The following HS6ST3 variants were observed in gnomAD, a reference collection of about 807,000 sequenced individuals.
HS6ST3 encodes heparan-sulfate 6-O-sulfotransferase 3.
In HS6ST3, 12 loss-of-function variants were observed where a neutral mutation model predicts 36.7. That is an observed-to-expected ratio of 0.33 (90% CI 0.21 to 0.53). HS6ST3 has a LOEUF of 0.53. HS6ST3 is among the 20% of genes least tolerant of loss of function. The probability of loss-of-function intolerance (pLI) is 0.95; values close to 1 mark genes in which losing one functional copy is unlikely to be tolerated. For missense variants in HS6ST3, 584 were observed against 640.9 expected (o/e 0.91, Z 0.96); for synonymous variants, 240 against 257.5 (o/e 0.93, Z 0.65).
chr13:96,660,999 G>A (rs546847667), intron 1 of HS6ST3, among the ~76,000 whole-genome samples: 2 of 152,218 alleles, frequency 1.3e-5, no homozygotes, highest in Admixed American at 6.5e-5. Flanking sequence ...TCCTGCCCTC[G>A]AACTCCAAGT....
At chr13:96,595,070 A>G (rs1400766584) in intron 1 of HS6ST3, among the ~76,000 whole-genome samples, 5 of 152,062 alleles carry the variant, frequency 3.3e-5, no homozygotes, top group Non-Finnish European at 7.4e-5. Context: ...TTTTGAGACA[A>G]GGCCTCACTC....
rs757890690 is a variant in HS6ST3, at chr13:96,538,976, C to T, written c.708-293514C>T. 2.0e-5 allele frequency among the ~76,000 whole-genome samples: 3 copies of T among 152,230 alleles called. No individual in the cohort carries two copies. The South Asian group carries it at 6.2e-4, about 32-fold the overall frequency. On this transcript the variant is annotated intron_variant, in intron 1 of 1. Transcript: ENST00000376705. Reference sequence around the variant, plus strand: ...CAGATCCCTCGTTCTGTGTTTTTCACGTGATCTCAACATTTTTCTTCTGCT... The same window carrying T: ...CAGATCCCTCGTTCTGTGTTTTTCATGTGATCTCAACATTTTTCTTCTGCT...
At chr13:96,525,983 A>C (rs1011264440) in intron 1 of HS6ST3, among the ~76,000 whole-genome samples, 1 of 152,220 alleles carries the variant, frequency 6.6e-6, no homozygotes, top group African/African-American at 2.4e-5. Flanking sequence ...AGATACAGAC[A>C]TGCATTATTA....
intron 1 of HS6ST3, among the ~76,000 whole-genome samples, chr13:96,754,510 A>G (rs1876776752): frequency 1.3e-5 from 2 of 152,240 alleles, no homozygotes; most frequent in African/African-American, 2.4e-5. Flanking sequence ...CAAGGGTATA[A>G]CTACATGAAT....
intron 1 of HS6ST3, among the ~76,000 whole-genome samples, chr13:96,359,669 T>A (rs1242521550): frequency 6.6e-6 from 1 of 152,146 alleles, no homozygotes; most frequent in Non-Finnish European, 1.5e-5. Flanking sequence ...CCAGTCACTT[T>A]GCTGGTCATG....
At chr13:96,188,766 G>A (rs930679105) in intron 1 of HS6ST3, among the ~76,000 whole-genome samples, 6 of 152,110 alleles carry the variant, frequency 3.9e-5, no homozygotes, top group Non-Finnish European at 8.8e-5. Flanking sequence ...AGTTATTAAT[G>A]TGTAATTGTT....
intron 1 of HS6ST3, among the ~76,000 whole-genome samples, chr13:96,277,065 CAG>C (rs2054751965): frequency 6.6e-6 from 1 of 152,208 alleles, no homozygotes; most frequent in Admixed American, 6.5e-5. Flanking sequence ...TGCACAGGCC[CAG>C]TCCTGCTTCA....
chr13:96,698,803 G>A (rs1337782840), intron 1 of HS6ST3, among the ~76,000 whole-genome samples: 2 of 152,112 alleles, frequency 1.3e-5, no homozygotes, highest in African/African-American at 4.8e-5. Context: ...TCAATCCTAA[G>A]CCAAAAGAAC....
At chr13:96,594,584 C>G in intron 1 of HS6ST3, among the ~76,000 whole-genome samples, 1 of 152,176 alleles carries the variant, frequency 6.6e-6, no homozygotes, top group East Asian at 1.9e-4. Context: ...GACACACACA[C>G]GTGTACACAC....
chr13:96,594,092 C>T lies in HS6ST3; in HGVS notation c.708-238398C>T, dbSNP rs190590737. On this transcript the variant is annotated intron_variant, in intron 1 of 1. Transcript: ENST00000376705. ...GGTTCAAGCAATTCTCCTGCCTCAGCCTCCTGAGTAGCTAGGATTACAGGC... is the reference window on the plus strand; with the variant it reads ...GGTTCAAGCAATTCTCCTGCCTCAGTCTCCTGAGTAGCTAGGATTACAGGC... Among the ~76,000 whole-genome samples, 508 of 152,162 alleles carry T rather than the reference C, an allele frequency of 3.3e-3. 3 individuals carry two copies. The highest frequency in any genetic ancestry group is 0.012 in the African/African-American group (481 of 41,528).
intron 1 of HS6ST3, among the ~76,000 whole-genome samples, chr13:96,212,626 A>C (rs962947943): frequency 1.3e-5 from 2 of 152,172 alleles, no homozygotes; most frequent in Non-Finnish European, 2.9e-5. Context: ...GGTCACTTGA[A>C]GCTAGGAGTT....
Position 96,839,339 on chromosome 13 carries a change from G to A in HS6ST3, c.*6141G>A. 6.6e-6 allele frequency: 1 copy of A among 152,072 alleles called. No homozygotes were observed. Among genetic ancestry groups the A allele is most frequent in the East Asian group, 1.9e-4 (1 of 5,192 alleles). The allele number at this position is 152,072 out of a possible 1,614,324, so 9.4% of individuals were successfully genotyped here. A position where few individuals can be genotyped will look rare whatever the true frequency, so the allele number is the denominator to read the frequency against. On this transcript the variant is annotated 3_prime_UTR_variant, in exon 2 of 2. Coordinates refer to ENST00000376705, the MANE Select transcript of HS6ST3 (RefSeq NM_153456.4). The stretch of plus-strand genomic sequence containing the variant: ...TATGTGGGGACCTATTTTACATGTA[G>A]ATAGTTATTCAGTAGATAGTAAATT...
chr13:96,829,413 A>C (rs376417912), intron 1 of HS6ST3, among the ~76,000 whole-genome samples: 4 of 151,742 alleles, frequency 2.6e-5, no homozygotes, highest in South Asian at 4.2e-4. Context: ...TGTTGTACAG[A>C]TTATTTCATC....
At chr13:96,177,023 T>C (rs1356358128) in intron 1 of HS6ST3, among the ~76,000 whole-genome samples, 1 of 152,096 alleles carries the variant, frequency 6.6e-6, no homozygotes, top group Non-Finnish European at 1.5e-5. Context: ...TGAAAAAAGC[T>C]CAATATCACT....
intron 1 of HS6ST3, among the ~76,000 whole-genome samples, chr13:96,654,271 T>G (rs2056617256): frequency 1.3e-5 from 2 of 152,202 alleles, no homozygotes; most frequent in African/African-American, 2.4e-5. Flanking sequence ...TTTTAGTCAT[T>G]AAGTCTTTGT....
chr13:96,122,127 A>ATTATTATTT (rs1403817891), intron 1 of HS6ST3, among the ~76,000 whole-genome samples: 11 of 148,360 alleles, frequency 7.4e-5, no homozygotes, highest in Non-Finnish European at 1.5e-4. Flanking sequence ...TATTATTATT[A>ATTATTATTT]TTATTATTAC....
intron 1 of HS6ST3, among the ~76,000 whole-genome samples, chr13:96,541,723 A>C (rs2056178646): frequency 6.6e-6 from 1 of 152,194 alleles, no homozygotes; most frequent in Non-Finnish European, 1.5e-5. Context: ...CCCCCAGCCA[A>C]CTGATACTCT....
chr13:96,412,417 C>T (rs1032935262), intron 1 of HS6ST3, among the ~76,000 whole-genome samples: 1 of 152,092 alleles, frequency 6.6e-6, no homozygotes, highest in African/African-American at 2.4e-5. Context: ...GGAAGGAGAA[C>T]ACATTCTAGG....
intron 1 of HS6ST3, among the ~76,000 whole-genome samples, chr13:96,163,715 T>C (rs1455588850): frequency 6.6e-6 from 1 of 152,132 alleles, no homozygotes; most frequent in African/African-American, 2.4e-5. Context: ...TAAAAAACCC[T>C]TTTCCCCCCA....
Sources: allele counts gnomAD v4.1 joint callset (sites outside exome capture counted in the v4.1 genomes callset), GRCh38; gene constraint gnomAD v4.1.1; transcripts MANE v1.5; gene names NCBI Gene and HGNC (gene_info 2026-07-23, HGNC 2026-07-21).